Variants in SLC25A6 observed in about 807,000 individuals in gnomAD.
SLC25A6 encodes solute carrier family 25 member 6, also known as ADP/ATP translocase 3.
A neutral mutation model predicts 25.7 loss-of-function variants in SLC25A6; 9 were observed. The ratio of observed to expected loss-of-function variants is 0.35; its 90% CI spans 0.21 to 0.61. The LOEUF is 0.61. Among genes scored for constraint, SLC25A6 ranks in the 20% least tolerant of loss-of-function variants. The pLI, the probability that SLC25A6 is intolerant of heterozygous loss-of-function variation, is 0.76. For synonymous variants in SLC25A6, 223 were observed against 197.0 expected, an observed-to-expected ratio of 1.13 and a Z score of -1.11; for missense variants, 404 against 440.5, an observed-to-expected ratio of 0.92 and a Z score of 0.74.
At position 1,392,097 on chromosome X, in the gene SLC25A6, C is replaced by A; in HGVS notation, c.-88G>T. 1 of 956,176 alleles carries A rather than the reference C, an allele frequency of 1.0e-6. No homozygotes were observed. The highest frequency in any genetic ancestry group is 2.8e-5 in the East Asian group (1 of 35,922). 59.2% of individuals were successfully genotyped at this position (956,176 alleles called of 1,614,324 possible). A position where few individuals can be genotyped will look rare whatever the true frequency, so the allele number is the denominator to read the frequency against. ...GGGCGTCGCTGGCTCAGCCCTGCCG[C>A]CGCCTGGACCGAAAGGACGGAGCAG... On this transcript the variant is annotated 5_prime_UTR_variant, in exon 1 of 4. Transcript: ENST00000381401.
At chrX:1,391,606 G>A (rs2089412838) in intron 1 of SLC25A6, among the ~76,000 whole-genome samples, 1 of 152,212 alleles carries the variant, frequency 6.6e-6, no homozygotes, top group Non-Finnish European at 1.5e-5. Context: ...CAAGGTCAAG[G>A]CCCGCCAGCC....
chrX:1,387,570 C>T, intron 2 of SLC25A6, 151 bp from the exon 3 acceptor site: 1 of 1,163,394 alleles, frequency 8.6e-7, no homozygotes, highest in Non-Finnish European at 1.2e-6. Flanking sequence ...TCAGTGCCAG[C>T]TGACGTTTAC....
chrX:1,389,390 G>A lies in SLC25A6; in HGVS notation c.449C>T (p.Thr150Ile), dbSNP rs2089371995. 1.2e-6 allele frequency: 2 copies of A among 1,613,774 alleles called. No individual in the cohort carries two copies. The highest frequency in any genetic ancestry group is 1.7e-6 in the Non-Finnish European group (2 of 1,179,876). ...RLAADVGKSG[T>I]EREFRGLGDC... The stretch of plus-strand genomic sequence containing the variant: ...TCCCAGGCCTCGGAACTCGCGCTCT[G>A]TGCCTGACTTTCCCACGTCCGCTGC... The change falls in exon 2 of 4, where the codon ACA becomes ATA. Residue 150 changes from threonine to isoleucine, a missense_variant. By Grantham distance (89) the Thr-to-Ile change is moderately conservative. Coordinates refer to ENST00000381401, the MANE Select transcript of SLC25A6 (RefSeq NM_001636.4).
In SLC25A6 at chrX:1,389,605, G is replaced by A. The variant is rs1378409760; in HGVS notation, c.234C>T (p.Val78=). 3.7e-5 allele frequency: 59 copies of A among 1,614,082 alleles called. No homozygotes were observed. Among genetic ancestry groups the A allele is most frequent in the Admixed American group, 2.2e-4 (13 of 59,988 alleles). ...LSFWRGNLAN[V]IRYFPTQALN... is the part of the protein sequence containing the mutation. ...GGGCTTGAGTGGGGAAGTAGCGAAT[G>A]ACGTTGGCAAGGTTGCCCCTCCAGA... is the stretch of plus-strand genomic sequence containing the variant. The change falls in exon 2 of 4, where the codon GTC becomes GTT. Residue 78 remains valine, a synonymous_variant. Coordinates refer to ENST00000381401, the MANE Select transcript of SLC25A6 (RefSeq NM_001636.4).
intron 1 of SLC25A6, 84 bp downstream of exon 1, chrX:1,391,815 G>C (rs1356118417): frequency 4.6e-5 from 50 of 1,078,856 alleles, no homozygotes; most frequent in Non-Finnish European, 2.3e-5. Context: ...CCGCCTGCAA[G>C]GCTCTGCTGC....
chrX:1,390,672 G>A (rs1262193647), intron 1 of SLC25A6, among the ~76,000 whole-genome samples: 1 of 150,834 alleles, frequency 6.6e-6, no homozygotes, highest in Non-Finnish European at 1.5e-5. Flanking sequence ...CCAAGTGCTG[G>A]GACACCCCGC....
Position 1,386,279 on chromosome X carries a change from TTAAA to T in SLC25A6, c.*319_*322del, listed in dbSNP as rs1337873634. ...AATGGGAAAACGTGATTCTTTTGTT[TTAAA>T]TAAATACTTAGAACACGACTTGGCT... On this transcript the variant is annotated 3_prime_UTR_variant, in exon 4 of 4. Coordinates refer to ENST00000381401, the MANE Select transcript of SLC25A6 (RefSeq NM_001636.4). 5 of 323,346 alleles carry T rather than the reference TTAAA, an allele frequency of 1.5e-5. No individual in the cohort carries two copies. The highest frequency in any genetic ancestry group is 8.5e-5 in the African/African-American group (4 of 47,086). The allele number at this position is 323,346 out of a possible 1,614,324, so 20.0% of individuals were successfully genotyped here. A position where few individuals can be genotyped will look rare whatever the true frequency, so the allele number is the denominator to read the frequency against.
intron 1 of SLC25A6, among the ~76,000 whole-genome samples, chrX:1,391,556 G>A (rs1452671416): frequency 6.6e-6 from 1 of 152,240 alleles, no homozygotes; most frequent in East Asian, 1.9e-4. Context: ...GCATCCACCG[G>A]AAGGGTTGGT....
In SLC25A6 at chrX:1,386,469, T is replaced by C. The variant is rs1272933638; in HGVS notation, c.*133A>G. The C allele has an allele frequency of 2.5e-6, 3 of 1,215,830 alleles. No homozygotes were observed. The highest frequency in any genetic ancestry group is 3.3e-6 in the Non-Finnish European group (3 of 908,208). 75.3% of individuals were successfully genotyped at this position (1,215,830 alleles called of 1,614,324 possible). On this transcript the variant is annotated 3_prime_UTR_variant, in exon 4 of 4. Coordinates refer to ENST00000381401, the MANE Select transcript of SLC25A6 (RefSeq NM_001636.4). ...CCTTTTCTAGAGCCTTCCCCGGCCA[T>C]CTACAGGCAGGATGCGGCTGGGAAA...
At chrX:1,387,538 AGTGCCCCCTCCACGTG>A in intron 2 of SLC25A6, 119 bp from the exon 3 acceptor site, 1 of 1,409,430 alleles carries the variant, frequency 7.1e-7, no homozygotes. Context: ...CGAGACCACC[AGTGCCCCCTCCACGTG>A]GCTGCTCAGT....
chrX:1,391,941 C>CGGG lies in SLC25A6; in HGVS notation c.68_69insCCC (p.Lys23delinsAsnPro). 1 of 1,609,892 alleles carries CGGG rather than the reference C, an allele frequency of 6.2e-7. No homozygotes were observed. Among genetic ancestry groups the CGGG allele is most frequent in the Non-Finnish European group, 8.5e-7 (1 of 1,179,010 alleles). On this transcript the variant is annotated protein_altering_variant, in exon 1 of 4. Coordinates refer to ENST00000381401, the MANE Select transcript of SLC25A6 (RefSeq NM_001636.4). ...CCCGCTCGATCGGAGCCACGGCCGTCTTGGAGATGGCGGCGGCGATGCCTC... is the reference window on the plus strand; with the variant it reads ...CCCGCTCGATCGGAGCCACGGCCGTCGGGTTGGAGATGGCGGCGGCGATGCCTC...
At chrX:1,389,890 T>C (rs1405107839) in intron 1 of SLC25A6, among the ~76,000 whole-genome samples, 163 bp from the exon 2 acceptor site, 1 of 151,976 alleles carries the variant, frequency 6.6e-6, no homozygotes, top group Non-Finnish European at 1.5e-5. Context: ...CCCGAGTAGC[T>C]GGGACTATAG....
intron 2 of SLC25A6, among the ~76,000 whole-genome samples, chrX:1,388,702 C>T (rs2089360194): frequency 1.3e-5 from 2 of 152,016 alleles, no homozygotes; most frequent in Admixed American, 6.6e-5. Context: ...GACCTTCAGC[C>T]TGCAGGACTG....
chrX:1,391,006 TA>T (rs750284093), intron 1 of SLC25A6, among the ~76,000 whole-genome samples: 13 of 152,002 alleles, frequency 8.6e-5, no homozygotes, highest in Admixed American at 7.9e-4. Context: ...CGCCACCCTG[TA>T]CTAGGTTTAA....
rs1603449722 is a variant in SLC25A6 at position 1,391,833 on chromosome X, C to T, written c.111+66G>A. The T allele has an allele frequency of 3.0e-5, 39 of 1,306,346 alleles. 1 individual carries two copies. In the South Asian group the frequency reaches 4.6e-4, roughly 15 times the overall value. The allele number at this position is 1,306,346 out of a possible 1,614,324, so 80.9% of individuals were successfully genotyped here. On this transcript the variant is annotated intron_variant, in intron 1 of 3. Transcript: ENST00000381401. ...CCTGCAAGGCTCTGCTGCCCACGTC[C>T]CCGCCCGACCCGGCCACTCGGTTCC...
At chrX:1,391,632 G>C (rs1356785692) in intron 1 of SLC25A6, among the ~76,000 whole-genome samples, 3 of 152,252 alleles carry the variant, frequency 2.0e-5, no homozygotes, top group Non-Finnish European at 4.4e-5. Context: ...GTCCGTCCAT[G>C]GGCCCTGCTC....
At chrX:1,391,372 A>T (rs1371509925) in intron 1 of SLC25A6, among the ~76,000 whole-genome samples, 1 of 152,178 alleles carries the variant, frequency 6.6e-6, no homozygotes, top group Non-Finnish European at 1.5e-5. Flanking sequence ...CCTCTCCCAA[A>T]AGACAAAAAA....
intron 2 of SLC25A6, among the ~76,000 whole-genome samples, 166 bp downstream of exon 2, chrX:1,389,075 C>A (rs1365671860): frequency 6.6e-6 from 1 of 151,896 alleles, no homozygotes; most frequent in East Asian, 1.9e-4. Flanking sequence ...AGGGATGATG[C>A]TGTGAGGGCA....
At chrX:1,390,511 G>C (rs1357381071) in intron 1 of SLC25A6, among the ~76,000 whole-genome samples, 1 of 151,854 alleles carries the variant, frequency 6.6e-6, no homozygotes, top group African/African-American at 2.4e-5. Flanking sequence ...CCAGGAGGCG[G>C]AGGCTACAGT....
Sources: gnomAD v4.1 joint callset for allele counts (sites outside exome capture counted in the v4.1 genomes callset) on GRCh38, gnomAD v4.1.1 for gene constraint, MANE v1.5 for transcripts, NCBI Gene and HGNC (gene_info 2026-07-23, HGNC 2026-07-21) for gene names.